Variants in CCDC178 observed in about 807,000 individuals in gnomAD.
CCDC178 encodes coiled-coil domain containing 178.
CCDC178 carries 126 observed loss-of-function variants against 117.4 expected under a neutral mutation model. The ratio of observed to expected loss-of-function variants is 1.07; its 90% CI spans 0.93 to 1.24. CCDC178 has a LOEUF of 1.24. Ranked by LOEUF, CCDC178 falls within the 50% of genes most tolerant of loss-of-function variation. CCDC178 has a pLI of 0.00. For synonymous variants in CCDC178, 283 were observed against 313.4 expected, an observed-to-expected ratio of 0.90 and a Z score of 1.02; for missense variants, 1,030 against 986.9, an observed-to-expected ratio of 1.04 and a Z score of -0.59.
intron 9 of CCDC178, among the ~76,000 whole-genome samples, chr18:33,345,312 GAACA>G (rs965859820): frequency 1.4e-4 from 22 of 152,132 alleles, no homozygotes; most frequent in South Asian, 6.2e-4. Context: ...AGGGTTTGTA[GAACA>G]AACAAACAAA....
At chr18:33,112,611 G>A (rs2057800096) in intron 20 of CCDC178, among the ~76,000 whole-genome samples, 1 of 151,860 alleles carries the variant, frequency 6.6e-6, no homozygotes, top group Admixed American at 6.6e-5. Flanking sequence ...CTCAGCACTA[G>A]AAGAGTCTGC....
intron 20 of CCDC178, among the ~76,000 whole-genome samples, chr18:33,143,102 G>C (rs958340597): frequency 4.1e-4 from 62 of 152,244 alleles, no homozygotes; most frequent in African/African-American, 1.4e-3. Flanking sequence ...CAGAATTGTT[G>C]AAAGACTCAG....
chr18:32,946,323 T>G (rs1243193464), intron 22 of CCDC178, among the ~76,000 whole-genome samples: 1 of 152,232 alleles, frequency 6.6e-6, no homozygotes, highest in African/African-American at 2.4e-5. Context: ...TACTGTTATG[T>G]CAGTATGGCT....
chr18:32,968,069 G>A (rs1338236501), intron 22 of CCDC178, among the ~76,000 whole-genome samples: 2 of 151,428 alleles, frequency 1.3e-5, no homozygotes, highest in South Asian at 2.1e-4. Context: ...TTACCCTATC[G>A]TGCAATATAT....
chr18:33,282,479 C>T (rs1249162490), intron 12 of CCDC178, among the ~76,000 whole-genome samples: 2 of 152,166 alleles, frequency 1.3e-5, no homozygotes, highest in East Asian at 1.9e-4. Context: ...ACTCCTTGGT[C>T]TGCTGGCCTC....
intron 21 of CCDC178, among the ~76,000 whole-genome samples, chr18:33,045,480 C>T (rs915187902): frequency 1.3e-5 from 2 of 152,068 alleles, no homozygotes; most frequent in Admixed American, 6.6e-5. Flanking sequence ...ATCTACTTTG[C>T]CAGGTTCTGT....
Position 33,387,413 on chromosome 18 carries a change from A to G in CCDC178, c.208+2127T>C, listed in dbSNP as rs545793710. 4.6e-5 allele frequency among the ~76,000 whole-genome samples: 7 copies of G among 152,286 alleles called. No homozygotes were observed. In the South Asian group the frequency reaches 1.2e-3, roughly 27 times the overall value. On this transcript the variant is annotated intron_variant, in intron 5 of 22. Transcript: ENST00000383096. ...TCACATAGCCAAGACAATCCTAAGC[A>G]AAAAATAAAACAAACCTGGAAGTAT...
Position 33,389,628 on chromosome 18 carries a change from G to T in CCDC178, c.120C>A (p.Gly40=). ...REKAWSRTNE[G]NAMSQSLVLY... ...GAACCAAACTTTGAGACATGGCATT[G>T]CCTTTTAAAAAGAAAAAATACATAT... Residue 40 remains glycine (G), a splice_region_variant and synonymous_variant, in exon 5 of 23, where the codon GGC becomes GGA. Transcript: ENST00000383096. 1 of 1,466,378 alleles carries T rather than the reference G, an allele frequency of 6.8e-7. No homozygotes were observed. Among genetic ancestry groups the T allele is most frequent in the Non-Finnish European group, 9.1e-7 (1 of 1,103,402 alleles). 90.8% of individuals were successfully genotyped at this position (1,466,378 alleles called of 1,614,324 possible).
chr18:33,181,255 A>G (rs962068847), intron 20 of CCDC178, among the ~76,000 whole-genome samples: 12 of 152,006 alleles, frequency 7.9e-5, no homozygotes, highest in Admixed American at 7.9e-4. Context: ...TTGTCATAAG[A>G]TAAATGATAA....
chr18:33,182,818 T>A (rs1281850659), intron 20 of CCDC178, among the ~76,000 whole-genome samples: 4 of 152,002 alleles, frequency 2.6e-5, no homozygotes, highest in Non-Finnish European at 5.9e-5. Context: ...TATTCATATA[T>A]AATCATAAAT....
chr18:33,417,782 G>T (rs2063966820), intron 2 of CCDC178, among the ~76,000 whole-genome samples: 1 of 152,038 alleles, frequency 6.6e-6, no homozygotes, highest in South Asian at 2.1e-4. Flanking sequence ...AGCTTCTCAA[G>T]ACTGAACCAG....
intron 3 of CCDC178, among the ~76,000 whole-genome samples, chr18:33,401,630 T>G (rs998580582): frequency 6.6e-6 from 1 of 152,044 alleles, no homozygotes. Context: ...ATTAAAATTA[T>G]AAAAATTAAC....
At chr18:33,018,805 TA>T (rs1468631433) in intron 21 of CCDC178, among the ~76,000 whole-genome samples, 10 of 152,064 alleles carry the variant, frequency 6.6e-5, no homozygotes, top group Non-Finnish European at 1.3e-4. Context: ...TTTTCAAAGT[TA>T]GTGGTGATGG....
chr18:33,059,088 G>A (rs1225236707), intron 21 of CCDC178, among the ~76,000 whole-genome samples: 10 of 152,050 alleles, frequency 6.6e-5, no homozygotes, highest in Non-Finnish European at 1.3e-4. Context: ...CTTATTTGTG[G>A]GGGCTAATAG....
intron 20 of CCDC178, among the ~76,000 whole-genome samples, chr18:33,139,237 T>G (rs1279109493): frequency 2.0e-5 from 3 of 152,188 alleles, no homozygotes; most frequent in Non-Finnish European, 4.4e-5. Flanking sequence ...CTTCCCAGTC[T>G]CTAGTATGTC....
chr18:33,097,844 T>C (rs561025166), intron 20 of CCDC178, among the ~76,000 whole-genome samples: 3 of 152,254 alleles, frequency 2.0e-5, no homozygotes, highest in Admixed American at 6.5e-5. Context: ...GGTCCCAGGC[T>C]ACTGTTAATT....
In CCDC178 at chr18:32,975,209, G is replaced by C. The variant is rs572837197; in HGVS notation, c.2389-528C>G. Among the ~76,000 whole-genome samples, 10 of 152,148 alleles carry C rather than the reference G, an allele frequency of 6.6e-5. No homozygotes were observed. The South Asian group carries it at 2.1e-3, about 32-fold the overall frequency. On this transcript the variant is annotated intron_variant, in intron 21 of 22. Coordinates refer to ENST00000383096, the MANE Select transcript of CCDC178 (RefSeq NM_001105528.4). ...GACAAAACTAAAGAGAATTAACTTA[G>C]CCATCAACTGCTGAGGGAGAACAAT...
At chr18:33,400,984 A>T (rs1451272254) in intron 3 of CCDC178, among the ~76,000 whole-genome samples, 2 of 152,186 alleles carry the variant, frequency 1.3e-5, no homozygotes, top group Non-Finnish European at 2.9e-5. Flanking sequence ...TGGCCTAAGT[A>T]CAAATATTGT....
chr18:32,959,812 C>T (rs967586251), intron 22 of CCDC178, among the ~76,000 whole-genome samples: 2 of 151,930 alleles, frequency 1.3e-5, no homozygotes, highest in Non-Finnish European at 2.9e-5. Flanking sequence ...TCCTCTCCCC[C>T]ACACCATTGA....
Sources: gnomAD v4.1 joint callset for allele counts (sites outside exome capture counted in the v4.1 genomes callset) on GRCh38, gnomAD v4.1.1 for gene constraint, MANE v1.5 for transcripts, NCBI Gene and HGNC (gene_info 2026-07-23, HGNC 2026-07-21) for gene names.